CDH8: variants seen among roughly 807,000 people sequenced by gnomAD.
The protein encoded by CDH8 is cadherin-8.
Under a neutral mutation model 68.1 loss-of-function variants are expected in CDH8, and 17 were observed. The observed-to-expected ratio is 0.25, with a 90% CI of 0.17 to 0.37. The LOEUF is 0.37. CDH8 is among the 10% of genes least tolerant of loss of function. The pLI is 1.00. For synonymous variants in CDH8, 372 were observed against 365.1 expected, an observed-to-expected ratio of 1.02 and a Z score of -0.21; for missense variants, 763 against 999.3, an observed-to-expected ratio of 0.76 and a Z score of 3.19.
chr16:61,894,059 A>G (rs1271545348), intron 3 of CDH8, among the ~76,000 whole-genome samples: 1 of 152,188 alleles, frequency 6.6e-6, no homozygotes, highest in Non-Finnish European at 1.5e-5. Flanking sequence ...TAAAGTGTTA[A>G]GTGCAAAAAG....
intron 2 of CDH8, among the ~76,000 whole-genome samples, chr16:61,982,434 T>G (rs1317539709): frequency 2.6e-5 from 4 of 152,054 alleles, no homozygotes. Context: ...TTAGCCGGGA[T>G]GGTCTCCATC....
intron 9 of CDH8, among the ~76,000 whole-genome samples, chr16:61,715,188 CCT>C (rs2142871329): frequency 6.6e-6 from 1 of 151,504 alleles, no homozygotes; most frequent in Admixed American, 6.6e-5. Context: ...TTGTTAAGGA[CCT>C]TTTTGTCTAG....
At chr16:61,792,619 T>A (rs1343973331) in intron 7 of CDH8, among the ~76,000 whole-genome samples, 1 of 152,028 alleles carries the variant, frequency 6.6e-6, no homozygotes. Flanking sequence ...TCTTAGGAAC[T>A]AGGACATTTT....
chr16:61,834,574 GA>G (rs1292300893), intron 4 of CDH8, among the ~76,000 whole-genome samples: 17 of 151,878 alleles, frequency 1.1e-4, no homozygotes, highest in Admixed American at 1.1e-3. Context: ...ATATTCTCAA[GA>G]ATACTCAAAA....
chr16:62,026,272 T>C (rs1597134241), intron 1 of CDH8, among the ~76,000 whole-genome samples: 1 of 152,320 alleles, frequency 6.6e-6, no homozygotes, highest in East Asian at 1.9e-4. Flanking sequence ...TCTCAAATAT[T>C]AACGTGCATC....
intron 1 of CDH8, among the ~76,000 whole-genome samples, chr16:62,033,706 G>A (rs1418346387): frequency 6.6e-6 from 1 of 152,130 alleles, no homozygotes; most frequent in Non-Finnish European, 1.5e-5. Context: ...CGATGGTCAG[G>A]GGATAACTTG....
chr16:61,660,985 TAA>T (rs773370662), intron 10 of CDH8, among the ~76,000 whole-genome samples: 1 of 151,820 alleles, frequency 6.6e-6, no homozygotes, highest in Non-Finnish European at 1.5e-5. Context: ...ACATTAAAAA[TAA>T]AAAGAGTATC....
At position 61,655,544 on chromosome 16, in the gene CDH8, T is replaced by C. The variant is rs374533261; in HGVS notation, c.1832A>G (p.Glu611Gly). Residue 611 changes from glutamate (E) to glycine (G), a missense_variant, in exon 11 of 12, where the codon GAA (glutamate) becomes GGA (glycine). Around this residue, in one of 2 missense-constraint regions of CDH8, gnomAD observed 397 missense variants for 436.2 expected, o/e 0.91. Coordinates refer to ENST00000577390, the MANE Select transcript of CDH8 (RefSeq NM_001796.5). Reference protein sequence around the residue: ...NDGVVQSCNVEAYVLPIGLSM... With the variant: ...NDGVVQSCNVGAYVLPIGLSM... The stretch of plus-strand genomic sequence containing the variant: ...GAGTCCAATTGGAAGGACATAAGCT[T>C]CGACATTGCAAGACTGGACGACACC... 3.1e-6 allele frequency: 5 copies of C among 1,614,110 alleles called. No individual in the cohort carries two copies. The South Asian group carries it at 5.5e-5, about 18-fold the overall frequency.
intron 10 of CDH8, among the ~76,000 whole-genome samples, chr16:61,712,802 C>G (rs1319879771): frequency 6.6e-6 from 1 of 151,520 alleles, no homozygotes; most frequent in African/African-American, 2.4e-5. Context: ...ATCAAAGCGT[C>G]CCCACAGAAC....
intron 3 of CDH8, among the ~76,000 whole-genome samples, chr16:61,872,575 G>C (rs1341236492): frequency 2.0e-5 from 3 of 152,164 alleles, no homozygotes; most frequent in Non-Finnish European, 4.4e-5. Context: ...CTTCCAGGTA[G>C]CAGGCTTCAG....
chr16:61,950,760 G>A (rs1964882684), intron 2 of CDH8, among the ~76,000 whole-genome samples: 1 of 151,126 alleles, frequency 6.6e-6, no homozygotes. Context: ...GGATGGGACG[G>A]GGGCCATTAC....
intron 2 of CDH8, among the ~76,000 whole-genome samples, chr16:61,926,956 C>T (rs1263481103): frequency 1.3e-5 from 2 of 152,214 alleles, no homozygotes; most frequent in African/African-American, 4.8e-5. Context: ...AAACAACAGA[C>T]ACATTAGAAG....
chr16:61,918,200 A>G (rs1172984621), intron 2 of CDH8: 1 of 152,112 alleles, frequency 6.6e-6, no homozygotes, highest in Non-Finnish European at 1.5e-5. Context: ...CTATGTACTT[A>G]TATTAGTAAT....
chr16:61,702,241 G>A (rs1964443924), intron 10 of CDH8, among the ~76,000 whole-genome samples: 1 of 152,104 alleles, frequency 6.6e-6, no homozygotes, highest in African/African-American at 2.4e-5. Flanking sequence ...GAGTGGCGGC[G>A]GGTGCCTGTA....
intron 3 of CDH8, among the ~76,000 whole-genome samples, chr16:61,899,113 CG>C (rs1963921592): frequency 2.6e-5 from 4 of 152,086 alleles, no homozygotes; most frequent in Non-Finnish European, 5.9e-5. Flanking sequence ...TTTATCCTAA[CG>C]CTATCCCTCC....
chr16:61,935,539 CACTT>C (rs1437619171), intron 2 of CDH8, among the ~76,000 whole-genome samples: 2 of 152,094 alleles, frequency 1.3e-5, no homozygotes, highest in African/African-American at 4.8e-5. Flanking sequence ...CAGGAGCTGA[CACTT>C]ACATACCTTT....
intron 3 of CDH8, among the ~76,000 whole-genome samples, chr16:61,883,425 G>C (rs1253495795): frequency 6.6e-6 from 1 of 151,830 alleles, no homozygotes; most frequent in Non-Finnish European, 1.5e-5. Flanking sequence ...ACAACAAGCA[G>C]GCTTGGGGAT....
intron 10 of CDH8, among the ~76,000 whole-genome samples, chr16:61,712,684 G>A (rs1209432962): frequency 6.6e-6 from 1 of 151,448 alleles, no homozygotes; most frequent in Non-Finnish European, 1.5e-5. Flanking sequence ...CATTATTGAG[G>A]AGACAGAAAG....
chr16:61,956,097 A>G (rs916480662), intron 2 of CDH8, among the ~76,000 whole-genome samples: 1 of 152,232 alleles, frequency 6.6e-6, no homozygotes, highest in African/African-American at 2.4e-5. Flanking sequence ...AAATATGTTT[A>G]ACTTTTTCTA....
Sources: gnomAD v4.1 joint callset for allele counts (sites outside exome capture counted in the v4.1 genomes callset) on GRCh38, gnomAD v4.1.1 for gene constraint, gnomAD v4.1.1 regional missense constraint, MANE v1.5 for transcripts, NCBI Gene and HGNC (gene_info 2026-07-23, HGNC 2026-07-21) for gene names.